ANP32A: variants seen among roughly 807,000 people sequenced by gnomAD.
The protein encoded by ANP32A is acidic nuclear phosphoprotein 32 family member A, also known as acidic leucine-rich nuclear phosphoprotein 32 family member A.
Under a neutral mutation model 33.9 loss-of-function variants are expected in ANP32A, and 1 was observed. The observed-to-expected ratio is 0.03, with a 90% CI of 0.01 to 0.14. ANP32A has a LOEUF of 0.14. Among genes scored for constraint, ANP32A ranks in the 10% least tolerant of loss-of-function variants. The pLI, the probability that ANP32A is intolerant of heterozygous loss-of-function variation, is 1.00. For missense variants in ANP32A, 155 were observed against 306.0 expected, an observed-to-expected ratio of 0.51 and a Z score of 3.68; for synonymous variants, 115 against 120.5, an observed-to-expected ratio of 0.95 and a Z score of 0.30.
At chr15:68,802,097 G>A (rs534934613) in intron 1 of ANP32A, among the ~76,000 whole-genome samples, 9 of 152,300 alleles carry the variant, frequency 5.9e-5, no homozygotes, top group African/African-American at 1.9e-4. Context: ...CTCACCATAC[G>A]GATAGGGAGG....
chr15:68,792,809 C>G (rs941862812), intron 1 of ANP32A, among the ~76,000 whole-genome samples: 6 of 152,176 alleles, frequency 3.9e-5, no homozygotes, highest in African/African-American at 1.4e-4. Context: ...TCAGCTCTCT[C>G]CCCCAGGCCT....
intron 1 of ANP32A, chr15:68,791,066 C>T (rs1015356297): frequency 6.6e-6 from 1 of 152,266 alleles, no homozygotes; most frequent in African/African-American, 2.4e-5. Flanking sequence ...TCTCTCCTGT[C>T]CCTTCTCCCT....
chr15:68,787,725 T>G, intron 2 of ANP32A, 45 bp downstream of exon 2: 5 of 1,597,618 alleles, frequency 3.1e-6, no homozygotes, highest in Non-Finnish European at 4.3e-6. Context: ...CCCTTCCCAC[T>G]CCCCACCCCC....
rs1013220829 is a variant in ANP32A at position 68,820,825 on chromosome 15, G to A, written c.-74C>T. The A allele has an allele frequency of 2.8e-5, 45 of 1,584,114 alleles. No homozygotes were observed. The Admixed American group carries it at 7.2e-4, about 25-fold the overall frequency. On this transcript the variant is annotated 5_prime_UTR_variant, in exon 1 of 7. Transcript: ENST00000465139. The stretch of plus-strand genomic sequence containing the variant: ...CAATAAACCCCGAACCCACGGCCGC[G>A]CGTTTTAGGACTTTGAAGGCTCAAC...
intron 1 of ANP32A, among the ~76,000 whole-genome samples, chr15:68,799,286 G>C (rs763102543): frequency 2.3e-4 from 35 of 152,186 alleles, no homozygotes; most frequent in Non-Finnish European, 4.6e-4. Context: ...GGGAGAGACA[G>C]ACACAGACAG....
At position 68,779,761 on chromosome 15, in the gene ANP32A, A is replaced by C. The variant is rs571239868; in HGVS notation, c.*320T>G. 1.8e-4 allele frequency: 48 copies of C among 268,498 alleles called. No homozygotes were observed. Among genetic ancestry groups the C allele is most frequent in the African/African-American group, 9.1e-4 (41 of 45,080 alleles). The allele number at this position is 268,498 out of a possible 1,614,324, so 16.6% of individuals were successfully genotyped here. ...ACCAGGAAACGTAAGAGAACTCCAA[A>C]CCATCCTCTTTGAGAGTCAGGAACA... On this transcript the variant is annotated 3_prime_UTR_variant, in exon 7 of 7. Transcript: ENST00000465139.
intron 1 of ANP32A, among the ~76,000 whole-genome samples, chr15:68,815,168 T>G (rs911612418): frequency 3.3e-5 from 5 of 152,044 alleles, no homozygotes; most frequent in African/African-American, 1.2e-4. Flanking sequence ...ACCCTGAGAG[T>G]ACCACCCAAA....
chr15:68,778,754 CCAAA>C lies in ANP32A; in HGVS notation c.*1323_*1326del, dbSNP rs1276033394. On this transcript the variant is annotated 3_prime_UTR_variant, in exon 7 of 7. Coordinates refer to ENST00000465139, the MANE Select transcript of ANP32A (RefSeq NM_006305.4). Reference sequence around the variant, plus strand: ...AGTCTTGCTTTAAGACCAAAAATATCCAAACATAGTATCACATTATATATATCTC... The same window carrying C: ...AGTCTTGCTTTAAGACCAAAAATATCCATAGTATCACATTATATATATCTC... 3.9e-5 allele frequency: 6 copies of C among 152,016 alleles called. No homozygotes were observed. The highest frequency in any genetic ancestry group is 7.4e-5 in the Non-Finnish European group (5 of 68,006). 9.4% of individuals were successfully genotyped at this position (152,016 alleles called of 1,614,324 possible).
At chr15:68,783,197 A>G in intron 4 of ANP32A, 144 bp from the exon 5 acceptor site, 2 of 1,292,396 alleles carry the variant, frequency 1.5e-6, no homozygotes, top group South Asian at 1.5e-5. Context: ...GAACACACTA[A>G]CTCTCATGAA....
intron 1 of ANP32A, among the ~76,000 whole-genome samples, chr15:68,817,154 C>T (rs768564924): frequency 1.8e-4 from 28 of 152,198 alleles, no homozygotes; most frequent in Non-Finnish European, 3.7e-4. Context: ...ATCGGAGGAC[C>T]CGACGCGACG....
chr15:68,810,234 T>C (rs1311811223), intron 1 of ANP32A, among the ~76,000 whole-genome samples: 1 of 152,158 alleles, frequency 6.6e-6, no homozygotes, highest in Non-Finnish European at 1.5e-5. Context: ...CTAGGAACAA[T>C]GGTGAATTTT....
chr15:68,790,562 A>C lies in ANP32A; in HGVS notation c.55-2643T>G, dbSNP rs544070200. 5.3e-5 allele frequency: 8 copies of C among 152,326 alleles called. No individual in the cohort carries two copies. In the South Asian group the frequency reaches 1.7e-3, roughly 32 times the overall value. The allele number at this position is 152,326 out of a possible 1,614,324, so 9.4% of individuals were successfully genotyped here. ...AATGCTTTGATTAAAAATAATCGTC[A>C]TATCTTTCTCAAGCACTCGCTAGGC... On this transcript the variant is annotated intron_variant, in intron 1 of 6. Transcript: ENST00000465139.
In ANP32A at chr15:68,780,809, C is replaced by A. The variant is rs1023773040; in HGVS notation, c.625-336G>T. 11 of 250,958 alleles carry A rather than the reference C, an allele frequency of 4.4e-5. No individual in the cohort carries two copies. The highest frequency in any genetic ancestry group is 7.7e-5 in the Non-Finnish European group (10 of 130,470). The allele number at this position is 250,958 out of a possible 1,614,324, so 15.5% of individuals were successfully genotyped here. On this transcript the variant is annotated intron_variant, in intron 5 of 6. Coordinates refer to ENST00000465139, the MANE Select transcript of ANP32A (RefSeq NM_006305.4). This position sits in a 1 kb window ranked among gnomAD's most constrained non-coding sequence, Gnocchi z 4.3. ...GTAAGGCAGGCAGCTCTCCAGTCTG[C>A]ACATTCTCTGAGGAGAACAAGTTCC...
In ANP32A at chr15:68,782,679, CACATAGAA is replaced by C. The variant is rs1342644389; in HGVS notation, c.624+269_624+276del. On this transcript the variant is annotated intron_variant, in intron 5 of 6. Transcript: ENST00000465139. ...TGGGGCCATGCATTCTGTACTTCTT[CACATAGAA>C]ACAACGGCCAGGCTTACCCCAGCAG... 1.7e-4 allele frequency: 80 copies of C among 472,052 alleles called. No homozygotes were observed. In the East Asian group the frequency reaches 2.7e-3, roughly 16 times the overall value. 29.2% of individuals were successfully genotyped at this position (472,052 alleles called of 1,614,324 possible).
chr15:68,781,516 A>G (rs1398486993), intron 5 of ANP32A: 1 of 151,916 alleles, frequency 6.6e-6, no homozygotes, highest in African/African-American at 2.4e-5. Flanking sequence ...TTAAAATACA[A>G]TATTCTTTAG....
At chr15:68,812,037 T>G (rs2415027) in intron 1 of ANP32A, among the ~76,000 whole-genome samples, 48 of 25,072 alleles carry the variant, frequency 1.9e-3, no homozygotes, top group Middle Eastern at 0.024. Context: ...CCCTAAGTTG[T>G]TTTTTTTTTT....
intron 1 of ANP32A, 61 bp downstream of exon 1, chr15:68,820,637 C>CAT (rs1287255346): frequency 3.6e-6 from 5 of 1,376,080 alleles, no homozygotes; most frequent in Admixed American, 1.8e-5. Context: ...AGCGCGCACA[C>CAT]ACACACACAC....
At chr15:68,818,807 G>T (rs1407315594) in intron 1 of ANP32A, among the ~76,000 whole-genome samples, 1 of 151,884 alleles carries the variant, frequency 6.6e-6, no homozygotes, top group African/African-American at 2.4e-5. Flanking sequence ...AAGTACGCGG[G>T]AAGACCGCGG....
At chr15:68,795,401 T>C (rs1894050955) in intron 1 of ANP32A, among the ~76,000 whole-genome samples, 1 of 152,154 alleles carries the variant, frequency 6.6e-6, no homozygotes, top group African/African-American at 2.4e-5. Flanking sequence ...CCATCCTTAT[T>C]ATTTTAGGGA....
Sources: allele counts gnomAD v4.1 joint callset (sites outside exome capture counted in the v4.1 genomes callset), GRCh38; gene constraint gnomAD v4.1.1; non-coding constraint Gnocchi (gnomAD v3.1); transcripts MANE v1.5; gene names NCBI Gene and HGNC (gene_info 2026-07-23, HGNC 2026-07-21).